Variants in OSR1 observed in about 807,000 individuals in gnomAD.
OSR1 encodes odd-skipped related transcription factor 1.
In OSR1, 3 loss-of-function variants were observed where a neutral mutation model predicts 15.7. The observed-to-expected ratio is 0.19, with a 90% CI of 0.09 to 0.50. The LOEUF is 0.50. OSR1 is among the 20% of genes least tolerant of loss of function. The pLI is 0.97. For synonymous variants in OSR1, 166 were observed against 152.7 expected (o/e 1.09, Z -0.64); for missense variants, 271 against 351.1 (o/e 0.77, Z 1.82).
At chr2:19,355,938 A>C (rs543443678) in intron 1 of OSR1, 3 of 152,386 alleles carry the variant, frequency 2.0e-5, no homozygotes, top group African/African-American at 7.2e-5. Flanking sequence ...CTAACTTCAA[A>C]GGTCGGCCTG....
Position 19,353,197 on chromosome 2 carries a change from G to A in OSR1, c.609C>T (p.Tyr203=). 2.5e-6 allele frequency: 4 copies of A among 1,614,258 alleles called. No homozygotes were observed. Among genetic ancestry groups the A allele is most frequent in the Non-Finnish European group, 3.4e-6 (4 of 1,180,046 alleles). ...AGGCTTTGTGGCAGATGTCACAGGTGTAGGGCCGCTCGTCGGTGTGCGTCC... is the reference window on the plus strand; with the variant it reads ...AGGCTTTGTGGCAGATGTCACAGGTATAGGGCCGCTCGTCGGTGTGCGTCC... The part of the protein sequence containing the change: ...HERTHTDERP[Y]TCDICHKAFR... The change falls in exon 2 of 3, where the codon TAC becomes TAT. Residue 203 remains tyrosine (Y), a synonymous_variant. Transcript: ENST00000272223.
Position 19,353,514 on chromosome 2 carries a change from G to T in OSR1, c.292C>A (p.Pro98Thr), listed in dbSNP as rs764299282. 6.2e-7 allele frequency: 1 copy of T among 1,614,086 alleles called. No individual in the cohort carries two copies. The highest frequency in any genetic ancestry group is 1.3e-5 in the African/African-American group (1 of 74,938). The stretch of plus-strand genomic sequence containing the variant: ...CCTCCAGCGGTGATCTCGGGCTTGG[G>T]TTGAATGACATGAGGGAACCAGGGA... ...AFPWFPHVIQ[P>T]KPEITAGGSV... Residue 98 changes from proline (P) to threonine (T), a missense_variant, in exon 2 of 3, where the codon CCC becomes ACC. By Grantham distance (38) the Pro-to-Thr change is conservative. Coordinates refer to ENST00000272223, the MANE Select transcript of OSR1 (RefSeq NM_145260.3).
chr2:19,358,048 C>T (rs1664985617), intron 1 of OSR1: 1 of 152,284 alleles, frequency 6.6e-6, no homozygotes, highest in African/African-American at 2.4e-5. Context: ...TTTCAAAGTC[C>T]GTGGGCACCT....
chr2:19,351,601 C>G lies in OSR1; in HGVS notation c.*674G>C, dbSNP rs1406190630. On this transcript the variant is annotated 3_prime_UTR_variant, in exon 3 of 3. Transcript: ENST00000272223. ...TCGCAATATAACGCCCGGCTCTTGG[C>G]TGGCTGCTCCCTCGCAGTGTCGCGG... 1 of 152,658 alleles carries G rather than the reference C, an allele frequency of 6.6e-6. No individual in the cohort carries two copies. Among genetic ancestry groups the G allele is most frequent in the Admixed American group, 6.5e-5 (1 of 15,290 alleles). The allele number at this position is 152,658 out of a possible 1,614,324, so 9.5% of individuals were successfully genotyped here. A position where few individuals can be genotyped will look rare whatever the true frequency, so the allele number is the denominator to read the frequency against.
chr2:19,353,025 T>C, intron 2 of OSR1, 116 bp downstream of exon 2: 1 of 1,276,198 alleles, frequency 7.8e-7, no homozygotes, highest in Non-Finnish European at 1.1e-6. Flanking sequence ...TTTTAAAGAA[T>C]TCCCTGAAGC....
downstream of OSR1, among the ~76,000 whole-genome samples, chr2:19,349,255 A>G (rs1461514908): frequency 6.6e-6 from 1 of 152,248 alleles, no homozygotes; most frequent in Non-Finnish European, 1.5e-5. Context: ...TGGGAATTGT[A>G]GCCTGGATAG....
At chr2:19,354,762 GGGGGTGTTAGTGCC>G (rs1664916704) in intron 1 of OSR1, 1 of 152,238 alleles carries the variant, frequency 6.6e-6, no homozygotes, top group African/African-American at 2.4e-5. Context: ...TCACAAACAA[GGGGGTGTTAGTGCC>G]CTCACTCCCC....
At chr2:19,347,187 T>C (rs1017589848), downstream of OSR1, among the ~76,000 whole-genome samples, 4 of 152,206 alleles carry the variant, frequency 2.6e-5, no homozygotes, top group Non-Finnish European at 4.4e-5. Flanking sequence ...GCAGGCTACG[T>C]CAAAATGCTG....
At chr2:19,347,592 T>C (rs1664753236), downstream of OSR1, among the ~76,000 whole-genome samples, 1 of 152,178 alleles carries the variant, frequency 6.6e-6, no homozygotes, top group Non-Finnish European at 1.5e-5. Flanking sequence ...TGGGCCCAAC[T>C]ACCAACTGGG....
intron 1 of OSR1, chr2:19,356,598 G>C (rs957245842): frequency 5.3e-5 from 8 of 152,294 alleles, no homozygotes; most frequent in African/African-American, 1.9e-4. Context: ...CGGTTTCCCA[G>C]ACCGCGGAAC....
In OSR1 at chr2:19,353,560, C is replaced by T; in HGVS notation, c.246G>A (p.Ala82=). ...AGGGAAAGGCGGGCAGCTGGAAGCG[C>T]GCATCCACCAAGCTGGACACCGTGC... ...VPGTVSSLVD[A]RFQLPAFPWF... is the part of the protein sequence containing the mutation. Residue 82 remains alanine (A), a synonymous_variant, in exon 2 of 3, where the codon GCG becomes GCA. Transcript: ENST00000272223. The T allele has an allele frequency of 6.2e-6, 10 of 1,614,200 alleles. No individual in the cohort carries two copies. Among genetic ancestry groups the T allele is most frequent in the Non-Finnish European group, 8.5e-6 (10 of 1,180,030 alleles).
chr2:19,353,365 C>A lies in OSR1; in HGVS notation c.441G>T (p.Leu147=). The A allele has an allele frequency of 1.9e-6, 3 of 1,614,204 alleles. No homozygotes were observed. Among genetic ancestry groups the A allele is most frequent in the Non-Finnish European group, 2.5e-6 (3 of 1,180,012 alleles). The change falls in exon 2 of 3, where the codon CTG becomes CTT. Residue 147 remains leucine, a synonymous_variant. Coordinates refer to ENST00000272223, the MANE Select transcript of OSR1 (RefSeq NM_145260.3). ...GEGPGSPAGG[L]GALLDVTKLS... ...GCTTGGTCACGTCGAGGAGGGCACC[C>A]AGCCCACCTGCAGGGGAGCCTGGGC...
chr2:19,353,489 C>G lies in OSR1; in HGVS notation c.317G>C (p.Gly106Ala). ...IQPKPEITAG[G>A]SVPALKTKPR... ...CTTGGTCTTGAGCGCTGGAACGCTG[C>G]CTCCAGCGGTGATCTCGGGCTTGGG... The change falls in exon 2 of 3, where the codon GGC becomes GCC. Residue 106 changes from glycine (G) to alanine (A), a missense_variant. This residue lies in a region of OSR1 where 210 missense variants were observed against 218.4 expected (regional missense o/e 0.96). Transcript: ENST00000272223. 6.2e-7 allele frequency: 1 copy of G among 1,614,136 alleles called. No homozygotes were observed. The highest frequency in any genetic ancestry group is 8.5e-7 in the Non-Finnish European group (1 of 1,179,956).
At chr2:19,350,987 G>C (rs537285468), downstream of OSR1, among the ~76,000 whole-genome samples, 2 of 152,280 alleles carry the variant, frequency 1.3e-5, no homozygotes, top group Admixed American at 1.3e-4. Flanking sequence ...CCCGAGTGTT[G>C]AGACCCGGGG....
At position 19,353,652 on chromosome 2, in the gene OSR1, G is replaced by T. The variant is rs1369403119; in HGVS notation, c.154C>A (p.Leu52Met). ...YGFSALHAVH[L>M]HQWTLGYPAM... is the part of the protein sequence containing the mutation. ...GGGTAGCCCAGCGTCCACTGATGCA[G>T]GTGCACAGCGTGCAACGCGCTGAAA... Residue 52 changes from leucine to methionine, a missense_variant, in exon 2 of 3, where the codon CTG (leucine) becomes ATG (methionine). Coordinates refer to ENST00000272223, the MANE Select transcript of OSR1 (RefSeq NM_145260.3). The T allele has an allele frequency of 6.2e-7, 1 of 1,614,134 alleles. No individual in the cohort carries two copies. The highest frequency in any genetic ancestry group is 1.3e-5 in the African/African-American group (1 of 74,958).
At position 19,352,112 on chromosome 2, in the gene OSR1, G is replaced by T. The variant is rs1443714449; in HGVS notation, c.*163C>A. Reference sequence around the variant, plus strand: ...GACGGTCGGGGTCGCGGCCCCGGGCGGGGCTCTGAAGTGCCGCGTGCGCCA... The same window carrying T: ...GACGGTCGGGGTCGCGGCCCCGGGCTGGGCTCTGAAGTGCCGCGTGCGCCA... On this transcript the variant is annotated 3_prime_UTR_variant, in exon 3 of 3. Transcript: ENST00000272223. The T allele has an allele frequency of 2.8e-6, 2 of 705,896 alleles. No homozygotes were observed. The highest frequency in any genetic ancestry group is 2.2e-6 in the Non-Finnish European group (1 of 462,964). 43.7% of individuals were successfully genotyped at this position (705,896 alleles called of 1,614,324 possible). A position where few individuals can be genotyped will look rare whatever the true frequency, so the allele number is the denominator to read the frequency against.
chr2:19,350,947 C>T (rs1458406629), downstream of OSR1, among the ~76,000 whole-genome samples: 1 of 151,998 alleles, frequency 6.6e-6, no homozygotes, highest in Non-Finnish European at 1.5e-5. Flanking sequence ...TTTGGGGTTC[C>T]GGGGAGGCAG....
At chr2:19,350,014 C>G (rs1664805867), downstream of OSR1, among the ~76,000 whole-genome samples, 1 of 152,232 alleles carries the variant, frequency 6.6e-6, no homozygotes, top group Non-Finnish European at 1.5e-5. Flanking sequence ...TCCACGCACT[C>G]AGAGGCCCCA....
Position 19,353,772 on chromosome 2 carries a change from T to C in OSR1, c.34A>G (p.Ile12Val). Residue 12 changes from isoleucine (I) to valine (V), a missense_variant, in exon 2 of 3, where the codon ATC (isoleucine) becomes GTC (valine). This residue lies in a region of OSR1 where 210 missense variants were observed against 218.4 expected (regional missense o/e 0.96). Transcript: ENST00000272223. ...TTGGTGAGCTGCAGGGAAGGGTGGA[T>C]AGGCACCGGCGCCGGCAAGGTTTTG... ...GSKTLPAPVP[I>V]HPSLQLTNYS... is the part of the protein sequence containing the mutation. 1 of 1,612,898 alleles carries C rather than the reference T, an allele frequency of 6.2e-7. No homozygotes were observed. The highest frequency in any genetic ancestry group is 8.5e-7 in the Non-Finnish European group (1 of 1,179,184).
Sources: allele counts gnomAD v4.1 joint callset (sites outside exome capture counted in the v4.1 genomes callset), GRCh38; gene constraint gnomAD v4.1.1; regional missense constraint gnomAD v4.1.1; transcripts MANE v1.5; gene names NCBI Gene and HGNC (gene_info 2026-07-23, HGNC 2026-07-21).